Variants in DPP6 observed in about 807,000 individuals in gnomAD.
DPP6 encodes the protein dipeptidyl peptidase like 6, also known as A-type potassium channel modulatory protein DPP6.
In DPP6, 69 loss-of-function variants were observed where a neutral mutation model predicts 122.6. The ratio of observed to expected loss-of-function variants is 0.56; its 90% CI spans 0.46 to 0.69. The LOEUF is 0.69. DPP6 is among the 30% of genes least tolerant of loss of function. The pLI is 0.00. For synonymous variants in DPP6, 418 were observed against 433.1 expected, an observed-to-expected ratio of 0.97 and a Z score of 0.43; for missense variants, 928 against 1,116.9, an observed-to-expected ratio of 0.83 and a Z score of 2.41.
At chr7:154,587,316 G>T (rs906481942) in intron 5 of DPP6, 2 of 344,662 alleles carry the variant, frequency 5.8e-6, no homozygotes, top group Non-Finnish European at 1.1e-5. Flanking sequence ...TGGGTGATCT[G>T]CCTGGAGACT....
chr7:154,818,388 T>C (rs1164315672), intron 16 of DPP6, among the ~76,000 whole-genome samples: 1 of 152,222 alleles, frequency 6.6e-6, no homozygotes, highest in Non-Finnish European at 1.5e-5. Context: ...CCCTTCAGAG[T>C]GCTGGATCAA....
chr7:154,705,989 A>C (rs1263720689), intron 7 of DPP6, among the ~76,000 whole-genome samples: 3 of 152,162 alleles, frequency 2.0e-5, no homozygotes, highest in Non-Finnish European at 4.4e-5. Context: ...CATCCTGCAG[A>C]TGTCCCCCCT....
intron 1 of DPP6, among the ~76,000 whole-genome samples, chr7:154,234,660 G>A (rs183361736): frequency 3.3e-5 from 5 of 151,900 alleles, no homozygotes; most frequent in Admixed American, 2.6e-4. Context: ...CACTCAACAC[G>A]CAAACACCCA....
At chr7:153,999,360 C>T (rs1224943120) in intron 1 of DPP6, among the ~76,000 whole-genome samples, 1 of 152,230 alleles carries the variant, frequency 6.6e-6, no homozygotes, top group African/African-American at 2.4e-5. Flanking sequence ...AACCTGATAT[C>T]TAGAATTGTT....
At chr7:153,942,741 G>T (rs1012875401) in intron 1 of DPP6, among the ~76,000 whole-genome samples, 1 of 152,326 alleles carries the variant, frequency 6.6e-6, no homozygotes, top group African/African-American at 2.4e-5. Flanking sequence ...TGCTCACGAG[G>T]CCGCCCCACA....
chr7:153,957,585 C>T (rs2129026150), intron 1 of DPP6, among the ~76,000 whole-genome samples: 1 of 152,250 alleles, frequency 6.6e-6, no homozygotes, highest in East Asian at 1.9e-4. Context: ...GAGGCCTGGG[C>T]AAGAGAAAGG....
In DPP6 at chr7:154,741,019, C is replaced by G. The variant is rs143520873; in HGVS notation, c.883+13132C>G. On this transcript the variant is annotated intron_variant, in intron 8 of 25. Transcript: ENST00000377770. The stretch of plus-strand genomic sequence containing the variant: ...TGTAAGGGAATGCAAAGATAGCTCA[C>G]CTCCACGTCAGAGCTCCCTGCACTT... Among the ~76,000 whole-genome samples the G allele has an allele frequency of 8.3e-4, 127 of 152,308 alleles. No individual in the cohort carries two copies. The Middle Eastern group carries it at 0.02, about 24-fold the overall frequency.
At chr7:154,339,374 G>A (rs1486538254) in intron 1 of DPP6, among the ~76,000 whole-genome samples, 1 of 152,180 alleles carries the variant, frequency 6.6e-6, no homozygotes, top group African/African-American at 2.4e-5. Context: ...AGTGGGAGGA[G>A]GCTGTGGCTG....
intron 1 of DPP6, among the ~76,000 whole-genome samples, chr7:153,936,273 T>C (rs920778551): frequency 7.9e-5 from 12 of 152,122 alleles, no homozygotes; most frequent in Non-Finnish European, 1.5e-4. Context: ...CCTCTCAGTA[T>C]ATGAAATGTT....
At chr7:153,881,982 C>T in the DPP6 span, among the ~76,000 whole-genome samples, 1 of 152,120 alleles carries the variant, frequency 6.6e-6, no homozygotes, top group Non-Finnish European at 1.5e-5. Context: ...CACCAGACAC[C>T]GTGAGATCCT....
chr7:154,847,512 G>A (rs1255091720), intron 16 of DPP6, among the ~76,000 whole-genome samples: 1 of 151,864 alleles, frequency 6.6e-6, no homozygotes, highest in African/African-American at 2.4e-5. Flanking sequence ...CTTTTATTTT[G>A]TTTGGTTTGG....
intron 1 of DPP6, among the ~76,000 whole-genome samples, chr7:153,933,477 A>G (rs1438736175): frequency 6.6e-6 from 1 of 152,184 alleles, no homozygotes; most frequent in African/African-American, 2.4e-5. Context: ...TGTCTTTATC[A>G]ACAGCACGAA....
At chr7:154,096,617 AT>A (rs1256919084) in intron 1 of DPP6, among the ~76,000 whole-genome samples, 1 of 152,216 alleles carries the variant, frequency 6.6e-6, no homozygotes, top group South Asian at 2.1e-4. Flanking sequence ...ACTTTGGAAG[AT>A]TTTTTATTAT....
chr7:154,243,745 G>A (rs943505803), intron 1 of DPP6, among the ~76,000 whole-genome samples: 2 of 151,768 alleles, frequency 1.3e-5, no homozygotes, highest in Non-Finnish European at 2.9e-5. Context: ...GCAGTGAGCC[G>A]AGATCACGCC....
rs2150456079 is a variant in DPP6, at chr7:154,803,884, C to T, written c.1428C>T (p.Asn476=). The T allele has an allele frequency of 1.2e-6, 2 of 1,613,844 alleles. No individual in the cohort carries two copies. Among genetic ancestry groups the T allele is most frequent in the East Asian group, 4.5e-5 (2 of 44,876 alleles). The part of the protein sequence containing the change: ...SSSQPNSSND[N]IQSITSGDWD... ...TTCAGCCCAACAGCAGCAACGACAA[C>T]ATCCAGTCCATCACCTCCGGGGACT... The change falls in exon 14 of 26, where the codon AAC becomes AAT. Residue 476 remains asparagine, a synonymous_variant. Transcript: ENST00000377770.
At chr7:154,291,955 A>G (rs1048619306) in intron 1 of DPP6, among the ~76,000 whole-genome samples, 2 of 152,170 alleles carry the variant, frequency 1.3e-5, no homozygotes, top group African/African-American at 2.4e-5. Flanking sequence ...GCAGGAATCT[A>G]TACACATCAG....
intron 1 of DPP6, among the ~76,000 whole-genome samples, chr7:154,365,111 A>C (rs1187138113): frequency 6.6e-6 from 1 of 152,176 alleles, no homozygotes; most frequent in East Asian, 1.9e-4. Flanking sequence ...TGTCAGGCTG[A>C]AAGGAAGCAG....
chr7:153,919,677 T>C (rs1800542318), intron 1 of DPP6, among the ~76,000 whole-genome samples: 1 of 152,150 alleles, frequency 6.6e-6, no homozygotes, highest in South Asian at 2.1e-4. Flanking sequence ...CCCCAATAGG[T>C]CTGTTTTATA....
chr7:154,564,431 G>T (rs1166705703), intron 4 of DPP6, among the ~76,000 whole-genome samples: 3 of 152,068 alleles, frequency 2.0e-5, no homozygotes, highest in Non-Finnish European at 2.9e-5. Flanking sequence ...CAAAATTGGA[G>T]AAAAAACACC....
Sources: gnomAD v4.1 joint callset for allele counts (sites outside exome capture counted in the v4.1 genomes callset) on GRCh38, gnomAD v4.1.1 for gene constraint, MANE v1.5 for transcripts, NCBI Gene and HGNC (gene_info 2026-07-23, HGNC 2026-07-21) for gene names.